The following RXFP2 variants were observed in gnomAD, a reference collection of about 807,000 sequenced individuals.
The protein encoded by RXFP2 is relaxin family peptide receptor 2.
In RXFP2, 68 loss-of-function variants were observed where a neutral mutation model predicts 88.6. The ratio of observed to expected loss-of-function variants is 0.77; its 90% CI spans 0.63 to 0.94. The LOEUF is 0.94. Ranked by LOEUF, RXFP2 falls within the 40% of genes least tolerant of loss-of-function variation. The pLI, the probability that RXFP2 is intolerant of heterozygous loss-of-function variation, is 0.00. For missense variants in RXFP2, 791 were observed against 893.9 expected (o/e 0.88, Z 1.47); for synonymous variants, 329 against 306.8 (o/e 1.07, Z -0.76).
intron 16 of RXFP2, 25 bp from the exon 17 acceptor site, chr13:31,797,176 G>A (rs1593473756): frequency 6.6e-7 from 1 of 1,511,106 alleles, no homozygotes. Context: ...CGCCTGAGAT[G>A]TTAAAAGTGT....
intron 16 of RXFP2, among the ~76,000 whole-genome samples, chr13:31,796,423 T>C (rs886316853): frequency 6.6e-6 from 1 of 151,934 alleles, no homozygotes; most frequent in African/African-American, 2.4e-5. Flanking sequence ...TTTTATTTAT[T>C]TTTATTCTTT....
intron 17 of RXFP2, among the ~76,000 whole-genome samples, chr13:31,799,867 C>CA (rs2138472143): frequency 6.6e-6 from 1 of 152,274 alleles, no homozygotes; most frequent in South Asian, 2.1e-4. Flanking sequence ...TCACAGGAGG[C>CA]GTCCGCTCTG....
chr13:31,756,870 C>T (rs1871979221), intron 1 of RXFP2, among the ~76,000 whole-genome samples: 1 of 152,100 alleles, frequency 6.6e-6, no homozygotes. Flanking sequence ...ATTTCCCCAC[C>T]TCGGCCTCAA....
intron 14 of RXFP2, among the ~76,000 whole-genome samples, chr13:31,790,775 A>T (rs992588528): frequency 1.3e-5 from 2 of 152,168 alleles, no homozygotes; most frequent in Non-Finnish European, 2.9e-5. Context: ...GTTGGAGTGA[A>T]GTGACATTTG....
intron 1 of RXFP2, among the ~76,000 whole-genome samples, chr13:31,742,262 A>G (rs1447669368): frequency 6.6e-6 from 1 of 152,166 alleles, no homozygotes; most frequent in Admixed American, 6.5e-5. Flanking sequence ...CCGGGCCCGA[A>G]CAGTATTTTG....
chr13:31,801,077 CA>C, intron 17 of RXFP2, among the ~76,000 whole-genome samples: 1 of 151,876 alleles, frequency 6.6e-6, no homozygotes, highest in South Asian at 2.1e-4. Flanking sequence ...AGAGGAAGAA[CA>C]GAAAGATACA....
At chr13:31,777,567 TCTC>T (rs772610613) in intron 8 of RXFP2, 120 bp downstream of exon 8, 167 of 710,536 alleles carry the variant, frequency 2.4e-4, no homozygotes, top group Non-Finnish European at 2.9e-4. Flanking sequence ...AGTCAAAACT[TCTC>T]CTGTGTTTCC....
intron 1 of RXFP2, among the ~76,000 whole-genome samples, chr13:31,750,297 A>G (rs376857683): frequency 1.3e-5 from 2 of 152,260 alleles, no homozygotes; most frequent in East Asian, 1.9e-4. Flanking sequence ...TCAAAGGAAT[A>G]CATTTTTCAT....
chr13:31,781,511 A>G (rs192521828), intron 9 of RXFP2, among the ~76,000 whole-genome samples, 160 bp from the exon 10 acceptor site: 5 of 152,080 alleles, frequency 3.3e-5, no homozygotes, highest in Non-Finnish European at 7.4e-5. Context: ...AGGGGGAAAG[A>G]AGCATAATAT....
intron 1 of RXFP2, among the ~76,000 whole-genome samples, chr13:31,743,315 A>G (rs1871284380): frequency 6.6e-6 from 1 of 152,050 alleles, no homozygotes; most frequent in South Asian, 2.1e-4. Flanking sequence ...TAAAAATACA[A>G]AAATCAGGCA....
intron 1 of RXFP2, 135 bp from the exon 2 acceptor site, chr13:31,758,120 ATAT>A: frequency 1.1e-6 from 1 of 871,572 alleles, no homozygotes; most frequent in Non-Finnish European, 1.9e-6. Context: ...GTCATTGAGA[ATAT>A]TATTCAAAGA....
chr13:31,766,552 G>A (rs541853004), intron 5 of RXFP2, among the ~76,000 whole-genome samples: 2 of 152,228 alleles, frequency 1.3e-5, no homozygotes, highest in Non-Finnish European at 2.9e-5. Context: ...ACAAAGAAGG[G>A]CCAATATGCT....
chr13:31,790,817 T>TC (rs143919112), intron 14 of RXFP2, among the ~76,000 whole-genome samples: 11,620 of 152,146 alleles, frequency 0.076, 450 homozygotes, highest in Middle Eastern at 0.13. Context: ...AAAGCAGCCC[T>TC]GGCAGTATCC....
intron 5 of RXFP2, among the ~76,000 whole-genome samples, chr13:31,766,608 C>T (rs189614036): frequency 8.5e-4 from 130 of 152,194 alleles, no homozygotes; most frequent in Middle Eastern, 3.4e-3. Context: ...GAAATATAAT[C>T]CCTAGAGATG....
chr13:31,778,685 TC>T (rs1179834725), intron 9 of RXFP2, 102 bp downstream of exon 9: 1 of 897,572 alleles, frequency 1.1e-6, no homozygotes, highest in African/African-American at 1.6e-5. Context: ...ATAATTTCTT[TC>T]CAAAATCAAA....
chr13:31,778,610 GTTA>G lies in RXFP2; in HGVS notation c.785+30_785+32del, dbSNP rs755355158. The G allele has an allele frequency of 6.1e-6, 9 of 1,482,614 alleles. No homozygotes were observed. The African/African-American group carries it at 1.1e-4, about 18-fold the overall frequency. 91.8% of individuals were successfully genotyped at this position (1,482,614 alleles called of 1,614,324 possible). A position where few individuals can be genotyped will look rare whatever the true frequency, so the allele number is the denominator to read the frequency against. The stretch of plus-strand genomic sequence containing the variant: ...TGAGTATTTATTTAGGAATTAATTT[GTTA>G]TTTGCCCTGATTAAGGAAACTAGCC... On this transcript the variant is annotated intron_variant, in intron 9 of 17. Transcript: ENST00000298386.
At chr13:31,763,075 T>C (rs537555556) in intron 3 of RXFP2, among the ~76,000 whole-genome samples, 36 of 128,888 alleles carry the variant, frequency 2.8e-4, no homozygotes, top group Admixed American at 2.6e-3. Context: ...TGACAGTGTC[T>C]GGAGACTTTT....
intron 1 of RXFP2, among the ~76,000 whole-genome samples, 163 bp downstream of exon 1, chr13:31,739,869 C>T (rs1349047313): frequency 6.6e-6 from 1 of 151,786 alleles, no homozygotes; most frequent in Admixed American, 6.6e-5. Context: ...TGTAGTCCCA[C>T]ACAGCCTAGT....
chr13:31,779,073 T>C (rs1206453839), intron 9 of RXFP2, among the ~76,000 whole-genome samples: 1 of 151,142 alleles, frequency 6.6e-6, no homozygotes, highest in Admixed American at 6.6e-5. Flanking sequence ...TGTCTCAGGG[T>C]ACTATCTCAT....
Sources: gnomAD v4.1 joint callset for allele counts (sites outside exome capture counted in the v4.1 genomes callset) on GRCh38, gnomAD v4.1.1 for gene constraint, MANE v1.5 for transcripts, NCBI Gene and HGNC (gene_info 2026-07-23, HGNC 2026-07-21) for gene names.